Variants in FBXO11 observed in about 807,000 individuals in gnomAD.
FBXO11 encodes the protein F-box only protein 11.
A neutral mutation model predicts 117.0 loss-of-function variants in FBXO11; 13 were observed. The observed-to-expected ratio is 0.11, with a 90% CI of 0.07 to 0.18. The LOEUF (loss-of-function observed/expected upper bound fraction) is 0.18, where lower values mean the gene tolerates loss of function less well. Ranked by LOEUF, FBXO11 falls within the 10% of genes least tolerant of loss-of-function variation. The pLI is 1.00. For missense variants in FBXO11, 767 were observed against 1,164.4 expected, an observed-to-expected ratio of 0.66 and a Z score of 4.97; for synonymous variants, 490 against 380.5, an observed-to-expected ratio of 1.29 and a Z score of -3.35.
rs1670778744 is a variant in FBXO11, at chr2:47,813,488, G to C, written c.2084-111C>G. On this transcript the variant is annotated intron_variant, in intron 17 of 22. Transcript: ENST00000403359. ...CTCTGTTGCCAGGCTGGAGTGTGCA[G>C]TGGCGCGATCTTGGCTCACTGCAAC... The C allele has an allele frequency of 9.4e-6, 7 of 741,204 alleles. No individual in the cohort carries two copies. The East Asian group carries it at 1.6e-4, about 17-fold the overall frequency. The allele number at this position is 741,204 out of a possible 1,614,324, so 45.9% of individuals were successfully genotyped here. A position where few individuals can be genotyped will look rare whatever the true frequency, so the allele number is the denominator to read the frequency against.
At chr2:47,829,015 C>A (rs573787917) in intron 11 of FBXO11, among the ~76,000 whole-genome samples, 1 of 148,984 alleles carries the variant, frequency 6.7e-6, no homozygotes, top group Non-Finnish European at 1.5e-5. Context: ...CCCACCTCCC[C>A]ACTTCAAGTG....
intron 1 of FBXO11, among the ~76,000 whole-genome samples, chr2:47,880,220 C>G (rs915308839): frequency 2.0e-5 from 3 of 152,176 alleles, no homozygotes; most frequent in African/African-American, 7.2e-5. Context: ...TGGTCTCAAA[C>G]TCCTTGGCTC....
chr2:47,873,934 G>A (rs1038924747), intron 1 of FBXO11, among the ~76,000 whole-genome samples: 1 of 152,074 alleles, frequency 6.6e-6, no homozygotes, highest in African/African-American at 2.4e-5. Context: ...TAACTTTAAA[G>A]CTGGGCCCGG....
intron 1 of FBXO11, among the ~76,000 whole-genome samples, chr2:47,843,431 C>A (rs1673164830): frequency 7.2e-6 from 1 of 138,948 alleles, no homozygotes; most frequent in African/African-American, 2.6e-5. Flanking sequence ...TGTAGTTAAT[C>A]TTTTTTTTTT....
chr2:47,857,769 T>C (rs1162000750), intron 1 of FBXO11, among the ~76,000 whole-genome samples: 1 of 152,180 alleles, frequency 6.6e-6, no homozygotes, highest in Non-Finnish European at 1.5e-5. Flanking sequence ...AGTCATTGAA[T>C]GAATATACAA....
At chr2:47,826,088 T>TTG (rs1307222912) in intron 11 of FBXO11, among the ~76,000 whole-genome samples, 1 of 152,210 alleles carries the variant, frequency 6.6e-6, no homozygotes, top group Admixed American at 6.5e-5. Context: ...AGACGGAGTC[T>TTG]CACTTTGTCA....
intron 1 of FBXO11, among the ~76,000 whole-genome samples, chr2:47,886,364 G>T (rs1352919698): frequency 6.6e-6 from 1 of 152,016 alleles, no homozygotes; most frequent in African/African-American, 2.4e-5. Flanking sequence ...AAATTAGCAG[G>T]GCATGGTGGC....
intron 14 of FBXO11, 87 bp from the exon 15 acceptor site, chr2:47,819,165 A>T (rs1671206270): frequency 7.1e-7 from 1 of 1,404,688 alleles, no homozygotes; most frequent in African/African-American, 1.5e-5. Context: ...ACAGTTAAAA[A>T]ATTTTCCATT....
intron 1 of FBXO11, among the ~76,000 whole-genome samples, chr2:47,845,004 T>G (rs1178573322): frequency 6.6e-6 from 1 of 152,230 alleles, no homozygotes; most frequent in Non-Finnish European, 1.5e-5. Flanking sequence ...TCTATCAGCT[T>G]GTTTGCCATT....
At chr2:47,814,741 G>C (rs536354501) in intron 16 of FBXO11, among the ~76,000 whole-genome samples, 1 of 152,062 alleles carries the variant, frequency 6.6e-6, no homozygotes. Flanking sequence ...TTCCTTTCAC[G>C]GAAGATTTCT....
At position 47,832,808 on chromosome 2, in the gene FBXO11, G is replaced by A; in HGVS notation, c.1114C>T (p.Pro372Ser). The change falls in exon 9 of 23, where the codon CCT becomes TCT. Residue 372 changes from proline to serine, a missense_variant. This residue lies in a region of FBXO11 where 123 missense variants were observed against 145.0 expected (regional missense o/e 0.85). Coordinates refer to ENST00000403359, the MANE Select transcript of FBXO11 (RefSeq NM_001190274.2). Reference protein sequence around the residue: ...HCLEITVNCSPIIDHCIIRST... With the variant: ...HCLEITVNCSSIIDHCIIRST... Reference sequence around the variant, plus strand: ...CGGATGATACAGTGATCAATAATAGGGCTACAATTTACTGTAATCTCTAAG... The same window carrying A: ...CGGATGATACAGTGATCAATAATAGAGCTACAATTTACTGTAATCTCTAAG... 6.2e-7 allele frequency: 1 copy of A among 1,613,778 alleles called. No individual in the cohort carries two copies. The highest frequency in any genetic ancestry group is 8.5e-7 in the Non-Finnish European group (1 of 1,179,770).
Position 47,905,746 on chromosome 2 carries a change from G to A in FBXO11, c.-26C>T. 6.6e-7 allele frequency: 1 copy of A among 1,517,708 alleles called. No homozygotes were observed. Among genetic ancestry groups the A allele is most frequent in the Non-Finnish European group, 8.8e-7 (1 of 1,135,656 alleles). The allele number at this position is 1,517,708 out of a possible 1,614,324, so 94.0% of individuals were successfully genotyped here. ...TTGCCGGGCTGAGGTGGCGGCGTTG[G>A]CGGAGGGACACACACACGCACACGC... On this transcript the variant is annotated 5_prime_UTR_variant, in exon 1 of 23. Coordinates refer to ENST00000403359, the MANE Select transcript of FBXO11 (RefSeq NM_001190274.2).
chr2:47,879,350 C>T (rs570282037), intron 1 of FBXO11, among the ~76,000 whole-genome samples: 1 of 152,326 alleles, frequency 6.6e-6, no homozygotes, highest in South Asian at 2.1e-4. Context: ...TTGCCTTCCA[C>T]AGGGATTATC....
At chr2:47,830,194 T>C (rs1315989493) in intron 11 of FBXO11, among the ~76,000 whole-genome samples, 1 of 152,144 alleles carries the variant, frequency 6.6e-6, no homozygotes, top group Admixed American at 6.5e-5. Context: ...GAGCAATCTT[T>C]CAAGCAAAGA....
intron 1 of FBXO11, among the ~76,000 whole-genome samples, chr2:47,884,679 T>C (rs1358517422): frequency 2.6e-5 from 4 of 152,240 alleles, no homozygotes; most frequent in Non-Finnish European, 2.9e-5. Flanking sequence ...TCCTGATGGC[T>C]GTTCCTTACA....
chr2:47,827,250 C>A (rs1037179373), intron 11 of FBXO11, among the ~76,000 whole-genome samples: 2 of 152,176 alleles, frequency 1.3e-5, no homozygotes, highest in African/African-American at 4.8e-5. Context: ...TATAATTTTG[C>A]AAGAAAACTT....
chr2:47,849,835 A>G (rs1025794659), intron 1 of FBXO11, among the ~76,000 whole-genome samples: 2 of 152,258 alleles, frequency 1.3e-5, no homozygotes, highest in South Asian at 2.1e-4. Flanking sequence ...CAGCTGCTCC[A>G]TATGTATGGC....
chr2:47,839,824 T>A, intron 1 of FBXO11, 55 bp from the exon 2 acceptor site: 1 of 1,529,294 alleles, frequency 6.5e-7, no homozygotes, highest in Non-Finnish European at 8.8e-7. Context: ...AAAAGTTCTA[T>A]GGATACAGAA....
chr2:47,893,876 G>C (rs1444303598), intron 1 of FBXO11, among the ~76,000 whole-genome samples: 1 of 152,196 alleles, frequency 6.6e-6, no homozygotes, highest in South Asian at 2.1e-4. Context: ...AACATTTACT[G>C]AATGTGGCTA....
Sources: allele counts gnomAD v4.1 joint callset (sites outside exome capture counted in the v4.1 genomes callset), GRCh38; gene constraint gnomAD v4.1.1; regional missense constraint gnomAD v4.1.1; transcripts MANE v1.5; gene names NCBI Gene and HGNC (gene_info 2026-07-23, HGNC 2026-07-21).